CLEC16A: variants seen among roughly 807,000 people sequenced by gnomAD.
CLEC16A encodes the protein protein CLEC16A.
A neutral mutation model predicts 109.5 loss-of-function variants in CLEC16A; 51 were observed. The ratio of observed to expected loss-of-function variants is 0.47; its 90% confidence interval spans 0.37 to 0.59. The LOEUF is 0.59. Ranked by LOEUF, CLEC16A falls within the 20% of genes least tolerant of loss-of-function variation. The probability of loss-of-function intolerance (pLI) is 0.00; values close to 1 mark genes in which losing one functional copy is unlikely to be tolerated. For missense variants in CLEC16A, 1,339 were observed against 1,394.0 expected (o/e 0.96, Z 0.63); for synonymous variants, 673 against 564.2 (o/e 1.19, Z -2.73).
intron 21 of CLEC16A, among the ~76,000 whole-genome samples, chr16:11,124,285 C>G (rs115430974): frequency 5.3e-4 from 81 of 152,322 alleles, no homozygotes; most frequent in African/African-American, 1.9e-3. Context: ...CACCTCCGAT[C>G]CTTAAAACAA....
chr16:11,137,060 A>G (rs560401782), intron 22 of CLEC16A, among the ~76,000 whole-genome samples: 2 of 152,320 alleles, frequency 1.3e-5, no homozygotes, highest in African/African-American at 4.8e-5. Flanking sequence ...GCTGTATTCT[A>G]CTCCATCGTG....
chr16:11,068,883 C>T (rs947973398), intron 19 of CLEC16A, among the ~76,000 whole-genome samples: 3 of 152,112 alleles, frequency 2.0e-5, no homozygotes, highest in Non-Finnish European at 2.9e-5. Flanking sequence ...GGCACAATCT[C>T]GGCTCGCTGC....
intron 22 of CLEC16A, among the ~76,000 whole-genome samples, chr16:11,140,262 G>A (rs2153064732): frequency 6.6e-6 from 1 of 152,310 alleles, no homozygotes; most frequent in East Asian, 1.9e-4. Context: ...CCAGCCTCCT[G>A]GCTCACGGAT....
intron 19 of CLEC16A, among the ~76,000 whole-genome samples, chr16:11,086,634 C>A (rs145773699): frequency 1.9e-4 from 29 of 152,252 alleles, no homozygotes; most frequent in African/African-American, 6.3e-4. Context: ...CCTCCGCCTC[C>A]CAGGTTCAAG....
At chr16:11,080,023 C>T (rs567032644) in intron 19 of CLEC16A, among the ~76,000 whole-genome samples, 1 of 152,346 alleles carries the variant, frequency 6.6e-6, no homozygotes, top group South Asian at 2.1e-4. Context: ...ATCATGGCAT[C>T]TTGTTCCTAT....
chr16:11,134,499 G>A (rs1170871142), intron 22 of CLEC16A, among the ~76,000 whole-genome samples: 1 of 152,122 alleles, frequency 6.6e-6, no homozygotes, highest in Non-Finnish European at 1.5e-5. Context: ...TCCCCTTCCT[G>A]CCTCTAAATC....
chr16:10,995,891 A>G (rs1264873188), intron 10 of CLEC16A, among the ~76,000 whole-genome samples: 2 of 152,162 alleles, frequency 1.3e-5, no homozygotes, highest in African/African-American at 4.8e-5. Flanking sequence ...GCATCCTCAG[A>G]GGGTGAGTAG....
chr16:11,056,766 C>A (rs138114546), intron 18 of CLEC16A: 1 of 152,354 alleles, frequency 6.6e-6, no homozygotes, highest in East Asian at 1.9e-4. Context: ...ACAGTCTTTC[C>A]CATGATTTCA....
chr16:11,019,039 G>A (rs937733618), intron 11 of CLEC16A, among the ~76,000 whole-genome samples: 27 of 152,206 alleles, frequency 1.8e-4, no homozygotes, highest in African/African-American at 6.5e-4. Flanking sequence ...TGAGCCGGGG[G>A]GAGGGAGACC....
chr16:10,998,326 C>T (rs1451413795), intron 10 of CLEC16A, among the ~76,000 whole-genome samples: 3 of 152,268 alleles, frequency 2.0e-5, no homozygotes, highest in Non-Finnish European at 4.4e-5. Context: ...AGCTGCAGAG[C>T]TCAGGGCTCC....
intron 22 of CLEC16A, among the ~76,000 whole-genome samples, chr16:11,136,621 G>T (rs1234071240): frequency 6.6e-6 from 1 of 152,250 alleles, no homozygotes; most frequent in African/African-American, 2.4e-5. Context: ...CAGTGGCACA[G>T]AGTTGCTCTT....
rs2052810063 is a variant in CLEC16A, at chr16:11,126,252, C to G, written c.2641+106C>G. Reference sequence around the variant, plus strand: ...GAGCTGCCCTTCCTCTCTCAGAAGCCCCGTCGGCTGGCAGCACCAGCTTCT... The same window carrying G: ...GAGCTGCCCTTCCTCTCTCAGAAGCGCCGTCGGCTGGCAGCACCAGCTTCT... On this transcript the variant is annotated intron_variant, in intron 22 of 23. Coordinates refer to ENST00000409790, the MANE Select transcript of CLEC16A (RefSeq NM_015226.3). 7 of 1,565,016 alleles carry G rather than the reference C, an allele frequency of 4.5e-6. No individual in the cohort carries two copies. In the African/African-American group the frequency reaches 5.4e-5, roughly 12 times the overall value.
chr16:11,147,080 C>A (rs1320589761), intron 22 of CLEC16A, among the ~76,000 whole-genome samples: 1 of 151,638 alleles, frequency 6.6e-6, no homozygotes, highest in African/African-American at 2.4e-5. Context: ...CGCCGAGAAC[C>A]TTGTGTCCCA....
intron 2 of CLEC16A, among the ~76,000 whole-genome samples, chr16:10,959,021 GT>G (rs1748790913): frequency 6.8e-6 from 1 of 147,714 alleles, no homozygotes; most frequent in Non-Finnish European, 1.5e-5. Context: ...ACGGGTGTGT[GT>G]GTGTGTGTGT....
Position 11,120,775 on chromosome 16 carries a change from G to A in CLEC16A, c.2268+9G>A, listed in dbSNP as rs1597452980. The A allele has an allele frequency of 6.6e-7, 1 of 1,515,902 alleles. No homozygotes were observed. Among genetic ancestry groups the A allele is most frequent in the Non-Finnish European group, 8.9e-7 (1 of 1,124,512 alleles). 93.9% of individuals were successfully genotyped at this position (1,515,902 alleles called of 1,614,324 possible). A position where few individuals can be genotyped will look rare whatever the true frequency, so the allele number is the denominator to read the frequency against. The stretch of plus-strand genomic sequence containing the variant: ...TTGCAGGCCTATTGCAGGTAAGATG[G>A]CCAGGAGCTCTGGGATCTGTTCTCA... On this transcript the variant is annotated intron_variant, in intron 20 of 23. Coordinates refer to ENST00000409790, the MANE Select transcript of CLEC16A (RefSeq NM_015226.3).
rs560581638 is a variant in CLEC16A, at chr16:10,953,742, T to C, written c.81-4040T>C. ...CTGTAATCCAAACACTTTGGGAGGC[T>C]GAGGTACGTGGATCACGAGGTCAGG... is the stretch of plus-strand genomic sequence containing the variant. On this transcript the variant is annotated intron_variant, in intron 1 of 23. Transcript: ENST00000409790. 3.9e-5 allele frequency among the ~76,000 whole-genome samples: 6 copies of C among 152,324 alleles called. No homozygotes were observed. In the East Asian group the frequency reaches 1.2e-3, roughly 29 times the overall value.
At chr16:11,135,966 C>A (rs1016674402) in intron 22 of CLEC16A, 9 of 152,174 alleles carry the variant, frequency 5.9e-5, no homozygotes, top group African/African-American at 2.2e-4. Context: ...AAGAAAAGAT[C>A]GAACTTACCA....
chr16:11,015,717 C>T (rs1229796369), intron 11 of CLEC16A, among the ~76,000 whole-genome samples: 3 of 152,356 alleles, frequency 2.0e-5, no homozygotes, highest in Non-Finnish European at 2.9e-5. Context: ...TGGTGTCCAA[C>T]GAGATTAAGC....
At chr16:10,957,035 G>A (rs771514239) in intron 1 of CLEC16A, among the ~76,000 whole-genome samples, 29 of 152,176 alleles carry the variant, frequency 1.9e-4, no homozygotes, top group Non-Finnish European at 2.6e-4. Context: ...GACCTCAGGT[G>A]ATCCACCCAC....
Sources: gnomAD v4.1 joint callset for allele counts (sites outside exome capture counted in the v4.1 genomes callset) on GRCh38, gnomAD v4.1.1 for gene constraint, MANE v1.5 for transcripts, NCBI Gene and HGNC (gene_info 2026-07-23, HGNC 2026-07-21) for gene names.